GRM8: variants seen among roughly 807,000 people sequenced by gnomAD.
GRM8 encodes the protein glutamate metabotropic receptor 8, also known as metabotropic glutamate receptor 8.
A neutral mutation model predicts 87.2 loss-of-function variants in GRM8; 47 were observed. The ratio of observed to expected loss-of-function variants is 0.54; its 90% CI spans 0.43 to 0.69. GRM8 has a LOEUF of 0.69. Ranked by LOEUF, GRM8 falls within the 30% of genes least tolerant of loss-of-function variation. GRM8 has a pLI of 0.00. For missense variants in GRM8, 1,019 were observed against 1,139.2 expected (o/e 0.89, Z 1.52); for synonymous variants, 396 against 404.5 (o/e 0.98, Z 0.25).
At chr7:126,953,345 T>G (rs1387719227) in intron 3 of GRM8, among the ~76,000 whole-genome samples, 1 of 152,104 alleles carries the variant, frequency 6.6e-6, no homozygotes, top group Non-Finnish European at 1.5e-5. Context: ...TCAGCTATAA[T>G]CGATCTTAAT....
At chr7:126,487,044 T>C (rs80121399) in intron 9 of GRM8, among the ~76,000 whole-genome samples, 12 of 152,200 alleles carry the variant, frequency 7.9e-5, no homozygotes, top group Non-Finnish European at 1.6e-4. Context: ...GTAATTACCA[T>C]ATCAATTTAT....
At chr7:126,892,461 T>C (rs1166343572) in intron 6 of GRM8, among the ~76,000 whole-genome samples, 1 of 152,134 alleles carries the variant, frequency 6.6e-6, no homozygotes, top group Non-Finnish European at 1.5e-5. Context: ...ACAAAGGACA[T>C]GAACTCATCA....
At chr7:126,660,892 T>C (rs1322942131) in intron 7 of GRM8, among the ~76,000 whole-genome samples, 2 of 145,648 alleles carry the variant, frequency 1.4e-5, no homozygotes, top group Non-Finnish European at 3.1e-5. Flanking sequence ...CTTCCTAGTT[T>C]CTGTCCAGTA....
chr7:126,907,670 C>G (rs1802860231), intron 3 of GRM8, among the ~76,000 whole-genome samples: 1 of 152,154 alleles, frequency 6.6e-6, no homozygotes, highest in Non-Finnish European at 1.5e-5. Flanking sequence ...CTAAATGTTT[C>G]TATTTCTTCG....
intron 2 of GRM8, among the ~76,000 whole-genome samples, chr7:127,144,594 T>C (rs1434978229): frequency 6.6e-6 from 1 of 152,138 alleles, no homozygotes; most frequent in Non-Finnish European, 1.5e-5. Context: ...TTTTTCAGCA[T>C]AGTTCTATAT....
At chr7:126,688,739 G>GACACACACACACACACACACACACACAC (rs3831573) in intron 7 of GRM8, among the ~76,000 whole-genome samples, 1 of 145,720 alleles carries the variant, frequency 6.9e-6, no homozygotes, top group African/African-American at 2.6e-5. Flanking sequence ...CTCTCTTTCT[G>GACACACACACACACACACACACACACAC]ACACACACAC....
At chr7:127,140,882 G>A (rs1303612129) in intron 2 of GRM8, among the ~76,000 whole-genome samples, 3 of 151,866 alleles carry the variant, frequency 2.0e-5, no homozygotes, top group East Asian at 3.9e-4. Flanking sequence ...TGTTGATAAT[G>A]TAAGTTGTGT....
chr7:126,465,439 A>C (rs570811278), intron 9 of GRM8: 7 of 151,954 alleles, frequency 4.6e-5, no homozygotes, highest in African/African-American at 1.7e-4. Flanking sequence ...TGATATCTTT[A>C]TAAAATTGAA....
At chr7:127,154,374 T>C (rs1792594045) in intron 2 of GRM8, among the ~76,000 whole-genome samples, 1 of 152,064 alleles carries the variant, frequency 6.6e-6, no homozygotes, top group African/African-American at 2.4e-5. Flanking sequence ...CAAGTGATGT[T>C]GTAAGTCCCA....
chr7:126,504,861 A>G (rs909774385), intron 9 of GRM8, among the ~76,000 whole-genome samples: 2 of 152,074 alleles, frequency 1.3e-5, no homozygotes, highest in Non-Finnish European at 2.9e-5. Context: ...GTGCTCTGGA[A>G]AAGAGCTTCT....
In GRM8 at chr7:126,527,953, T is replaced by TC. The variant is rs554471537; in HGVS notation, c.2430+4998dup. Among the ~76,000 whole-genome samples the TC allele has an allele frequency of 1.2e-3, 190 of 152,240 alleles. 2 individuals carry two copies. Among genetic ancestry groups the TC allele is most frequent in the African/African-American group, 4.4e-3 (181 of 41,538 alleles). On this transcript the variant is annotated intron_variant, in intron 9 of 10. Transcript: ENST00000339582. ...CGGGTGCAGTGGCTCATGCCTGTAA[T>TC]CCAGCATTTTGGGAGGCTAAGGCGG...
intron 3 of GRM8, among the ~76,000 whole-genome samples, chr7:127,062,765 TC>T (rs1349158349): frequency 6.6e-6 from 1 of 152,170 alleles, no homozygotes; most frequent in Non-Finnish European, 1.5e-5. Flanking sequence ...CAGAAATTTA[TC>T]CACTGCTTCT....
At chr7:126,993,626 C>T (rs945403893) in intron 3 of GRM8, among the ~76,000 whole-genome samples, 3 of 152,158 alleles carry the variant, frequency 2.0e-5, no homozygotes, top group Non-Finnish European at 2.9e-5. Context: ...TCTCACATTC[C>T]CCAGAAATAA....
chr7:127,008,650 A>G (rs1055119863), intron 3 of GRM8, among the ~76,000 whole-genome samples: 4 of 152,162 alleles, frequency 2.6e-5, no homozygotes, highest in Non-Finnish European at 1.5e-5. Flanking sequence ...TTTCTGCTTG[A>G]TTTAATTTAA....
At chr7:127,003,646 A>C (rs1813963878) in intron 3 of GRM8, among the ~76,000 whole-genome samples, 2 of 151,816 alleles carry the variant, frequency 1.3e-5, no homozygotes, top group Admixed American at 6.6e-5. Flanking sequence ...AAATTGAGTT[A>C]ATGAAGAGGT....
chr7:126,992,907 A>C (rs973590106), intron 3 of GRM8, among the ~76,000 whole-genome samples: 2 of 152,042 alleles, frequency 1.3e-5, no homozygotes, highest in Admixed American at 1.3e-4. Context: ...CTGCAAGCTA[A>C]GAGAAGGGAC....
chr7:127,112,396 T>C (rs1826424863), intron 2 of GRM8: 1 of 152,284 alleles, frequency 6.6e-6, no homozygotes, highest in South Asian at 2.1e-4. Context: ...TTGTGTATTC[T>C]GTTTCCCCTA....
At chr7:126,729,070 G>A (rs1046714303) in intron 7 of GRM8, among the ~76,000 whole-genome samples, 5 of 152,150 alleles carry the variant, frequency 3.3e-5, no homozygotes, top group African/African-American at 1.2e-4. Context: ...CAGCCCTTGA[G>A]TGCAATGGCA....
chr7:126,635,252 C>T (rs374317983), intron 7 of GRM8, among the ~76,000 whole-genome samples: 1 of 147,176 alleles, frequency 6.8e-6, no homozygotes, highest in African/African-American at 2.7e-5. Context: ...AAAAAATAAA[C>T]AAGTTGACAT....
Sources: gnomAD v4.1 joint callset for allele counts (sites outside exome capture counted in the v4.1 genomes callset) on GRCh38, gnomAD v4.1.1 for gene constraint, MANE v1.5 for transcripts, NCBI Gene and HGNC (gene_info 2026-07-23, HGNC 2026-07-21) for gene names.